TRIO: variants seen among roughly 807,000 people sequenced by gnomAD.
TRIO encodes the protein triple functional domain protein.
TRIO carries 58 observed loss-of-function variants against 351.9 expected under a neutral mutation model. That is an observed-to-expected ratio of 0.16 (90% CI 0.13 to 0.21). The LOEUF is 0.21. TRIO is among the 10% of genes least tolerant of loss of function. The pLI, the probability that TRIO is intolerant of heterozygous loss-of-function variation, is 1.00. For synonymous variants in TRIO, 1,758 were observed against 1,595.7 expected, an observed-to-expected ratio of 1.10 and a Z score of -2.42; for missense variants, 3,201 against 4,027.8, an observed-to-expected ratio of 0.79 and a Z score of 5.56.
rs576786034 is a variant in TRIO, at chr5:14,495,694, C to T, written c.7881-1185C>T. On this transcript the variant is annotated intron_variant, in intron 49 of 56. Transcript: ENST00000344204. ...AAAAAAAAAAAAAAAAAAGGCCAGG[C>T]GTGGTGGCTCACGCCTGTAATCCCA... Among the ~76,000 whole-genome samples the T allele has an allele frequency of 2.8e-4, 39 of 137,164 alleles. No individual in the cohort carries two copies. In the South Asian group the frequency reaches 5.7e-3, roughly 20 times the overall value. The allele number at this position is 137,164 out of a possible 152,430, so 90.0% of individuals were successfully genotyped here.
At chr5:14,422,698 A>G (rs758885511) in intron 34 of TRIO, among the ~76,000 whole-genome samples, 3 of 152,252 alleles carry the variant, frequency 2.0e-5, no homozygotes, top group Non-Finnish European at 2.9e-5. Context: ...ATATATCCTT[A>G]AAATGATTTG....
intron 8 of TRIO, among the ~76,000 whole-genome samples, chr5:14,308,238 C>T (rs181503633): frequency 8.3e-4 from 127 of 152,160 alleles, no homozygotes; most frequent in Non-Finnish European, 1.5e-3. Context: ...CCCATCCATC[C>T]GTCTATCTCT....
chr5:14,159,874 A>G (rs1402433436), intron 1 of TRIO, among the ~76,000 whole-genome samples: 2 of 152,138 alleles, frequency 1.3e-5, no homozygotes, highest in East Asian at 1.9e-4. Context: ...CGAGCTTTAT[A>G]TTCTTGAATA....
At chr5:14,427,912 G>T (rs560935950) in intron 34 of TRIO, among the ~76,000 whole-genome samples, 17 of 152,066 alleles carry the variant, frequency 1.1e-4, no homozygotes, top group Non-Finnish European at 1.9e-4. Context: ...AGTCCCTGTC[G>T]CCTCACCACC....
chr5:14,163,232 C>T (rs952650321), intron 1 of TRIO, among the ~76,000 whole-genome samples: 2 of 152,142 alleles, frequency 1.3e-5, no homozygotes, highest in African/African-American at 2.4e-5. Flanking sequence ...CATATCTTCT[C>T]ATTGTTCAAC....
chr5:14,467,831 C>T (rs1754377946), intron 37 of TRIO, among the ~76,000 whole-genome samples: 1 of 152,042 alleles, frequency 6.6e-6, no homozygotes, highest in Non-Finnish European at 1.5e-5. Context: ...AAAAAAGGAG[C>T]TTGGAACCAT....
At chr5:14,369,109 CTCT>C (rs1332707294) in intron 17 of TRIO, among the ~76,000 whole-genome samples, 1 of 152,184 alleles carries the variant, frequency 6.6e-6, no homozygotes, top group Non-Finnish European at 1.5e-5. Flanking sequence ...GAAGACACCT[CTCT>C]TCTTGTCATT....
chr5:14,180,365 A>G (rs1013098145), intron 1 of TRIO, among the ~76,000 whole-genome samples: 1 of 152,212 alleles, frequency 6.6e-6, no homozygotes, highest in Non-Finnish European at 1.5e-5. Context: ...ACAACTTTTT[A>G]TAAAACTATG....
chr5:14,419,903 G>T lies in TRIO; in HGVS notation c.5085G>T (p.Trp1695Cys), dbSNP rs374111666. 1.9e-6 allele frequency: 3 copies of T among 1,614,174 alleles called. No homozygotes were observed. The highest frequency in any genetic ancestry group is 1.3e-5 in the African/African-American group (1 of 75,048). Reference protein sequence around the residue: ...VLERPHDKPDWCLVRTTDRSP... With the variant: ...VLERPHDKPDCCLVRTTDRSP... The stretch of plus-strand genomic sequence containing the variant: ...AGCGGCCGCATGACAAGCCTGACTG[G>T]TGTCTGGTGCGGACAACTGACCGCT... The change falls in exon 34 of 57, where the codon TGG (tryptophan) becomes TGT (cysteine). Residue 1695 changes from tryptophan (W) to cysteine (C), a missense_variant. Transcript: ENST00000344204.
chr5:14,319,772 A>G (rs752622508), intron 9 of TRIO, among the ~76,000 whole-genome samples: 1 of 152,214 alleles, frequency 6.6e-6, no homozygotes, highest in Non-Finnish European at 1.5e-5. Context: ...GAAGGAGCAA[A>G]TATGTCTATT....
In TRIO at chr5:14,405,993, G is replaced by A. The variant is rs1258574025; in HGVS notation, c.4859+3G>A. The A allele has an allele frequency of 3.1e-6, 5 of 1,612,400 alleles. No homozygotes were observed. The highest frequency in any genetic ancestry group is 1.8e-4 in the Middle Eastern group (1 of 5,426). On this transcript the variant is annotated splice_donor_region_variant and intron_variant, in intron 32 of 56. Transcript: ENST00000344204. Reference sequence around the variant, plus strand: ...GCCACAAGACAGAAGGGAAGGAGGTGCGTGTCTGGGCGCCACTGGAGGTTT... The same window carrying A: ...GCCACAAGACAGAAGGGAAGGAGGTACGTGTCTGGGCGCCACTGGAGGTTT...
At chr5:14,243,476 T>C (rs939769850) in intron 1 of TRIO, among the ~76,000 whole-genome samples, 2 of 152,200 alleles carry the variant, frequency 1.3e-5, no homozygotes, top group African/African-American at 2.4e-5. Flanking sequence ...GTATCTGTTA[T>C]AATGGTAACT....
chr5:14,292,971 C>T (rs1561301215), intron 5 of TRIO, 41 bp from the exon 6 acceptor site: 1 of 1,613,176 alleles, frequency 6.2e-7, no homozygotes, highest in Non-Finnish European at 8.5e-7. Context: ...AGTAATTTCT[C>T]TTTCTGGAGT....
intron 1 of TRIO, among the ~76,000 whole-genome samples, chr5:14,197,852 C>G (rs146286068): frequency 6.6e-6 from 1 of 152,126 alleles, no homozygotes; most frequent in African/African-American, 2.4e-5. Context: ...ATAAGGTACC[C>G]GAATCTCTTA....
At chr5:14,502,791 ACT>A in intron 54 of TRIO, 134 bp downstream of exon 54, 2 of 857,542 alleles carry the variant, frequency 2.3e-6, no homozygotes, top group Admixed American at 4.3e-5. Flanking sequence ...TTGAATCGTA[ACT>A]CTCATTGCCT....
chr5:14,444,009 C>T (rs1041491870), intron 34 of TRIO, among the ~76,000 whole-genome samples: 1 of 152,088 alleles, frequency 6.6e-6, no homozygotes, highest in African/African-American at 2.4e-5. Flanking sequence ...TCTGGTGACT[C>T]TCCTTAACAC....
chr5:14,357,585 C>T (rs550301685), intron 11 of TRIO, among the ~76,000 whole-genome samples: 6 of 152,032 alleles, frequency 3.9e-5, no homozygotes, highest in Non-Finnish European at 8.8e-5. Context: ...ACACTCTTTC[C>T]GTTGAAGGCC....
chr5:14,465,825 A>G (rs1329639173), intron 37 of TRIO, 185 bp downstream of exon 37: 1 of 627,320 alleles, frequency 1.6e-6, no homozygotes, highest in African/African-American at 1.8e-5. Flanking sequence ...AACTCAGGAA[A>G]GCCATTATTC....
intron 46 of TRIO, among the ~76,000 whole-genome samples, chr5:14,483,617 G>T (rs1324687336): frequency 6.6e-6 from 1 of 152,148 alleles, no homozygotes; most frequent in Non-Finnish European, 1.5e-5. Flanking sequence ...CCTAAACCTG[G>T]GGTGGGTCTG....
Sources: gnomAD v4.1 joint callset for allele counts (sites outside exome capture counted in the v4.1 genomes callset) on GRCh38, gnomAD v4.1.1 for gene constraint, MANE v1.5 for transcripts, NCBI Gene and HGNC (gene_info 2026-07-23, HGNC 2026-07-21) for gene names.